MYBBP1A: variants seen among roughly 807,000 people sequenced by gnomAD.
MYBBP1A encodes the protein myb-binding protein 1A.
MYBBP1A carries 147 observed loss-of-function variants against 136.3 expected under a neutral mutation model. The observed-to-expected ratio is 1.08, with a 90% CI of 0.94 to 1.24. The LOEUF (loss-of-function observed/expected upper bound fraction) is 1.24. Ranked by LOEUF, MYBBP1A falls within the 50% of genes most tolerant of loss-of-function variation. MYBBP1A has a pLI of 0.00. For synonymous variants in MYBBP1A, 947 were observed against 735.8 expected, an observed-to-expected ratio of 1.29 and a Z score of -4.65; for missense variants, 2,060 against 1,727.4, an observed-to-expected ratio of 1.19 and a Z score of -3.41.
Position 4,553,871 on chromosome 17 carries a change from G to T in MYBBP1A, c.500C>A (p.Ala167Asp). The T allele has an allele frequency of 6.2e-7, 1 of 1,614,032 alleles. No individual in the cohort carries two copies. The highest frequency in any genetic ancestry group is 8.5e-7 in the Non-Finnish European group (1 of 1,180,014). The change falls in exon 5 of 26, where the codon GCC becomes GAC. Residue 167 changes from alanine to aspartate, a missense_variant. By Grantham distance (126) the Ala-to-Asp change is moderately radical. Coordinates refer to ENST00000254718, the MANE Select transcript of MYBBP1A (RefSeq NM_014520.4). ...MKSVKLLQAL[A>D]QYQNHLQEQP... ...CTCCTGCAAGTGGTTTTGGTACTGGGCCAGGGCCTGCAGCAGCTTCACCGA... is the reference window on the plus strand; with the variant it reads ...CTCCTGCAAGTGGTTTTGGTACTGGTCCAGGGCCTGCAGCAGCTTCACCGA...
intron 13 of MYBBP1A, among the ~76,000 whole-genome samples, chr17:4,547,456 G>A (rs1907106181): frequency 6.6e-6 from 1 of 152,182 alleles, no homozygotes; most frequent in South Asian, 2.1e-4. Flanking sequence ...ACAGTCAAGT[G>A]GCCAGACGGG....
At position 4,545,697 on chromosome 17, in the gene MYBBP1A, G is replaced by A. The variant is rs1174048013; in HGVS notation, c.1986C>T (p.Pro662=). Residue 662 remains proline (P), a synonymous_variant, in exon 15 of 26, where the codon CCC becomes CCT. Transcript: ENST00000254718. ...VEILLALLAQ[P]SHLMRQVARS... is the part of the protein sequence containing the mutation. ...GGGCCACCTGGCGCATGAGGTGGCTGGGCTGGGCCAACAGGGCCAGCAAGA... is the reference window on the plus strand; with the variant it reads ...GGGCCACCTGGCGCATGAGGTGGCTAGGCTGGGCCAACAGGGCCAGCAAGA... 1 of 1,610,730 alleles carries A rather than the reference G, an allele frequency of 6.2e-7. No homozygotes were observed. Among genetic ancestry groups the A allele is most frequent in the Non-Finnish European group, 8.5e-7 (1 of 1,178,068 alleles).
chr17:4,552,439 C>T lies in MYBBP1A; in HGVS notation c.737+12G>A, dbSNP rs371253003. 6 of 1,611,090 alleles carry T rather than the reference C, an allele frequency of 3.7e-6. No homozygotes were observed. The highest frequency in any genetic ancestry group is 2.7e-5 in the African/African-American group (2 of 74,870). On this transcript the variant is annotated intron_variant, in intron 6 of 25. Coordinates refer to ENST00000254718, the MANE Select transcript of MYBBP1A (RefSeq NM_014520.4). This position sits in a 1 kb window ranked among gnomAD's most constrained non-coding sequence, Gnocchi z 4.7. ...GCCCCAGGGAGGGCAAATCCGCCCACCTCCATCACACCTGGGGACATTCTC... is the reference window on the plus strand; with the variant it reads ...GCCCCAGGGAGGGCAAATCCGCCCATCTCCATCACACCTGGGGACATTCTC...
At chr17:4,550,588 T>C (rs1056443300) in intron 8 of MYBBP1A, among the ~76,000 whole-genome samples, 1 of 152,270 alleles carries the variant, frequency 6.6e-6, no homozygotes, top group Non-Finnish European at 1.5e-5. Flanking sequence ...CCCAGTGCTT[T>C]TGTCTGGCGT....
chr17:4,542,968 G>C lies in MYBBP1A; in HGVS notation c.2837C>G (p.Thr946Arg), dbSNP rs949524957. 5 of 1,614,066 alleles carry C rather than the reference G, an allele frequency of 3.1e-6. No individual in the cohort carries two copies. The Admixed American group carries it at 6.7e-5, about 22-fold the overall frequency. Residue 946 changes from threonine (T) to arginine (R), a missense_variant, in exon 20 of 26, where the codon ACA becomes AGA. Physicochemically the swap from Thr to Arg is moderately conservative, Grantham distance 71. Transcript: ENST00000254718. ...AGTGCCAGCTTTCTGCTTCTCCTGT[G>C]TCTCATGCACGCAGCCCTCAGCAGT... ...GNTAEGCVHE[T>R]QEKQKAGTDP...
rs755526128 is a variant in MYBBP1A at position 4,545,089 on chromosome 17, G to A, written c.2247C>T (p.Asp749=). Residue 749 remains aspartate (D), a synonymous_variant, in exon 17 of 26, where the codon GAC becomes GAT. Transcript: ENST00000254718. ...CCCGGAAGCCCTGATCCACGTCCCCGTCGCGCTCCTCCTCCTCGCTCTCCT... is the reference window on the plus strand; with the variant it reads ...CCCGGAAGCCCTGATCCACGTCCCCATCGCGCTCCTCCTCCTCGCTCTCCT... The part of the protein sequence containing the change: ...EGEESEEEER[D]GDVDQGFREQ... 73 of 1,574,300 alleles carry A rather than the reference G, an allele frequency of 4.6e-5. 1 individual carries two copies. Among genetic ancestry groups the A allele is most frequent in the Admixed American group, 9.2e-5 (5 of 54,250 alleles).
chr17:4,549,441 G>C lies in MYBBP1A; in HGVS notation c.1321C>G (p.Pro441Ala), dbSNP rs201929443. The C allele has an allele frequency of 6.2e-7, 1 of 1,611,994 alleles. No homozygotes were observed. Among genetic ancestry groups the C allele is most frequent in the Non-Finnish European group, 8.5e-7 (1 of 1,179,752 alleles). Residue 441 changes from proline (P) to alanine (A), a missense_variant and splice_region_variant, in exon 10 of 26, where the codon CCT (proline) becomes GCT (alanine). Transcript: ENST00000254718. Reference sequence around the variant, plus strand: ...CTCAGCCGGAACACAGCTCGCTCAGGCCTAGCGGGGCAGGAGGCGAGGTCA... The same window carrying C: ...CTCAGCCGGAACACAGCTCGCTCAGCCCTAGCGGGGCAGGAGGCGAGGTCA... ...KKAQDSSLHM[P>A]ERAVFRLRKW...
At chr17:4,542,227 C>T (rs1906499158) in intron 22 of MYBBP1A, 2 of 591,272 alleles carry the variant, frequency 3.4e-6, no homozygotes, top group Non-Finnish European at 5.9e-6. Flanking sequence ...GCAGCAGTGG[C>T]TGCGGGAGTG....
In MYBBP1A at chr17:4,549,361, C is replaced by G. The variant is rs780559927; in HGVS notation, c.1401G>C (p.Met467Ile). The change falls in exon 10 of 26, where the codon ATG becomes ATC. Residue 467 changes from methionine (M) to isoleucine (I), a missense_variant. By Grantham distance (10) the Met-to-Ile change is conservative. Transcript: ENST00000254718. ...VSIVDSLHLE[M>I]EEALTEQVAR... ...CCACCTGCTCAGTCAAGGCCTCCTC[C>G]ATCTCCAGGTGCAGGCTGTCCACAA... is the stretch of plus-strand genomic sequence containing the variant. 6.2e-6 allele frequency: 10 copies of G among 1,612,782 alleles called. No homozygotes were observed. The East Asian group carries it at 2.2e-4, about 36-fold the overall frequency.
At chr17:4,546,720 A>ATGTGCG in intron 13 of MYBBP1A, among the ~76,000 whole-genome samples, 1 of 152,336 alleles carries the variant, frequency 6.6e-6, no homozygotes, top group Non-Finnish European at 1.5e-5. Context: ...TGGTGTGCGC[A>ATGTGCG]TGTGCGTGTG....
At chr17:4,543,888 T>TCCCC (rs755269882) in intron 19 of MYBBP1A, among the ~76,000 whole-genome samples, 5 of 142,460 alleles carry the variant, frequency 3.5e-5, no homozygotes, top group African/African-American at 1.4e-4. Flanking sequence ...CTCAGACCCT[T>TCCCC]CCCCACGCCA....
At chr17:4,546,183 A>G (rs1906997577) in intron 13 of MYBBP1A, among the ~76,000 whole-genome samples, 1 of 152,186 alleles carries the variant, frequency 6.6e-6, no homozygotes, top group Non-Finnish European at 1.5e-5. Flanking sequence ...CAGTGGTCTG[A>G]TCTCGGCTCA....
In MYBBP1A at chr17:4,544,477, C is replaced by G. The variant is rs1906759909; in HGVS notation, c.2639+12G>C. 6.5e-7 allele frequency: 1 copy of G among 1,546,456 alleles called. No individual in the cohort carries two copies. The highest frequency in any genetic ancestry group is 1.4e-5 in the African/African-American group (1 of 73,048). On this transcript the variant is annotated intron_variant, in intron 19 of 25. Coordinates refer to ENST00000254718, the MANE Select transcript of MYBBP1A (RefSeq NM_014520.4). Reference sequence around the variant, plus strand: ...CCGGCCACACCTGCCCGCCCTGCACCCCCGTGCTCACGTGAAGATGCGCGC... The same window carrying G: ...CCGGCCACACCTGCCCGCCCTGCACGCCCGTGCTCACGTGAAGATGCGCGC...
Position 4,552,556 on chromosome 17 carries a change from G to C in MYBBP1A, c.632C>G (p.Ser211Cys), listed in dbSNP as rs370966981. ...LKADLNIILSSPEQLELFLLA... is the reference protein window; with the variant it reads ...LKADLNIILSCPEQLELFLLA... ...GAGGAAGAGCTCTAGCTGTTCAGGG[G>C]AGCTGAGTATTATATTCAAGTCGGC... is the stretch of plus-strand genomic sequence containing the variant. Residue 211 changes from serine to cysteine, a missense_variant, in exon 6 of 26, where the codon TCC (serine) becomes TGC (cysteine). Transcript: ENST00000254718. The surrounding 1 kb of genome is among the most constrained non-coding windows in gnomAD (Gnocchi z 4.7). The C allele has an allele frequency of 1.2e-4, 197 of 1,613,936 alleles. No individual in the cohort carries two copies. The highest frequency in any genetic ancestry group is 1.6e-4 in the Non-Finnish European group (186 of 1,180,042).
intron 13 of MYBBP1A, among the ~76,000 whole-genome samples, chr17:4,547,525 G>C (rs1297605367): frequency 1.3e-5 from 2 of 152,192 alleles, no homozygotes; most frequent in African/African-American, 4.8e-5. Context: ...CCCAATAAGA[G>C]CAGCTTATGT....
Position 4,550,102 on chromosome 17 carries a change from G to A in MYBBP1A, c.1275C>T (p.Phe425=), listed in dbSNP as rs780478087. The change falls in exon 9 of 26, where the codon TTC becomes TTT. Residue 425 remains phenylalanine, a synonymous_variant. Transcript: ENST00000254718. ...GGGCTTTCTTCTGGTTGTTGGTGCT[G>A]AAGTCAACCAAGGAGTCCAGGTCTG... ...LQPDLDSLVD[F]STNNQKKAQD... is the part of the protein sequence containing the mutation. 1.2e-6 allele frequency: 2 copies of A among 1,613,982 alleles called. No individual in the cohort carries two copies. The highest frequency in any genetic ancestry group is 1.3e-5 in the African/African-American group (1 of 75,060).
At chr17:4,549,586 G>C (rs1159271717) in intron 9 of MYBBP1A, 144 bp from the exon 10 acceptor site, 8 of 632,566 alleles carry the variant, frequency 1.3e-5, no homozygotes, top group Non-Finnish European at 2.2e-5. Flanking sequence ...AGACCAGCCT[G>C]ACCAACACGG....
At position 4,552,026 on chromosome 17, in the gene MYBBP1A, C is replaced by A; in HGVS notation, c.906-29G>T. On this transcript the variant is annotated intron_variant, in intron 7 of 25. Coordinates refer to ENST00000254718, the MANE Select transcript of MYBBP1A (RefSeq NM_014520.4). The surrounding 1 kb of genome is among the most constrained non-coding windows in gnomAD (Gnocchi z 4.7). ...AAGGGGGTGCAGGACAGAGCCTGGT[C>A]AGAGCCCTTGGTGCCCCTGGTGGGA... is the stretch of plus-strand genomic sequence containing the variant. 6.3e-7 allele frequency: 1 copy of A among 1,597,952 alleles called. No homozygotes were observed. Among genetic ancestry groups the A allele is most frequent in the Non-Finnish European group, 8.6e-7 (1 of 1,169,476 alleles).
chr17:4,554,224 C>G lies in MYBBP1A; in HGVS notation c.349G>C (p.Glu117Gln). The G allele has an allele frequency of 6.2e-7, 1 of 1,614,032 alleles. No homozygotes were observed. The highest frequency in any genetic ancestry group is 8.5e-7 in the Non-Finnish European group (1 of 1,180,022). The change falls in exon 3 of 26, where the codon GAA becomes CAA. Residue 117 changes from glutamate (E) to glutamine (Q), a missense_variant. Coordinates refer to ENST00000254718, the MANE Select transcript of MYBBP1A (RefSeq NM_014520.4). ...PLCSILQQIQ[E>Q]KYDLHQVKKA... ...TTCACCTGATGCAGGTCATATTTTTCTTGTATCTGCTGCAGGATGCTGCAC... is the reference window on the plus strand; with the variant it reads ...TTCACCTGATGCAGGTCATATTTTTGTTGTATCTGCTGCAGGATGCTGCAC...
Sources: gnomAD v4.1 joint callset for allele counts (sites outside exome capture counted in the v4.1 genomes callset) on GRCh38, gnomAD v4.1.1 for gene constraint, Gnocchi (gnomAD v3.1) non-coding constraint, MANE v1.5 for transcripts, NCBI Gene and HGNC (gene_info 2026-07-23, HGNC 2026-07-21) for gene names.